PTK2: variants seen among roughly 807,000 people sequenced by gnomAD.
PTK2 encodes protein tyrosine kinase 2.
PTK2 carries 45 observed loss-of-function variants against 150.1 expected under a neutral mutation model. The observed-to-expected ratio is 0.30, with a 90% CI of 0.24 to 0.38. The LOEUF (loss-of-function observed/expected upper bound fraction) is 0.38. PTK2 is among the 10% of genes least tolerant of loss of function. The pLI, the probability that PTK2 is intolerant of heterozygous loss-of-function variation, is 1.00. For missense variants in PTK2, 919 were observed against 1,307.3 expected, an observed-to-expected ratio of 0.70 and a Z score of 4.58; for synonymous variants, 432 against 449.2, an observed-to-expected ratio of 0.96 and a Z score of 0.48.
At chr8:140,660,833 A>G (rs186114010) in intron 31 of PTK2, among the ~76,000 whole-genome samples, 63 of 152,346 alleles carry the variant, frequency 4.1e-4, no homozygotes, top group Admixed American at 1.2e-3. Context: ...GGAGAGTCTC[A>G]TGATCCTTCT....
At chr8:140,774,727 C>T (rs1325486738) in intron 14 of PTK2, among the ~76,000 whole-genome samples, 2 of 152,194 alleles carry the variant, frequency 1.3e-5, no homozygotes, top group African/African-American at 4.8e-5. Flanking sequence ...CTGGCCAAAA[C>T]CCACCAAAAC....
intron 26 of PTK2, among the ~76,000 whole-genome samples, chr8:140,691,945 G>C (rs2100023437): frequency 6.6e-6 from 1 of 152,184 alleles, no homozygotes; most frequent in Non-Finnish European, 1.5e-5. Context: ...GCTTCAATCA[G>C]TCAACAGATA....
chr8:140,706,094 T>C lies in PTK2; in HGVS notation c.2229+25A>G, dbSNP rs10090128. The C allele has an allele frequency of 4.5e-3, 6,963 of 1,549,036 alleles. 283 individuals are homozygous for C. The African/African-American group carries it at 0.085, about 19-fold the overall frequency. On this transcript the variant is annotated intron_variant, in intron 24 of 31. Transcript: ENST00000522684. ...AGCGCTAAATAATAAAATAACACAG[T>C]TTATATCTGTAATGACTGGCATACC...
intron 8 of PTK2, among the ~76,000 whole-genome samples, chr8:140,826,672 T>C (rs948718091): frequency 2.0e-5 from 3 of 152,146 alleles, no homozygotes; most frequent in African/African-American, 7.2e-5. Flanking sequence ...TCCCAGCACT[T>C]TGGGAGGCGG....
chr8:140,803,502 T>G (rs1439906845), intron 11 of PTK2, 41 bp downstream of exon 11: 1 of 1,504,094 alleles, frequency 6.6e-7, no homozygotes, highest in African/African-American at 1.4e-5. Context: ...ACATCCCTAT[T>G]TAACCATTTT....
At chr8:140,879,882 A>T (rs1473689864) in intron 3 of PTK2, among the ~76,000 whole-genome samples, 1 of 152,140 alleles carries the variant, frequency 6.6e-6, no homozygotes, top group African/African-American at 2.4e-5. Flanking sequence ...TTAGAAAAGA[A>T]AACATAAAGA....
At chr8:140,708,788 T>C (rs2100035213) in intron 23 of PTK2, among the ~76,000 whole-genome samples, 2 of 152,312 alleles carry the variant, frequency 1.3e-5, no homozygotes, top group South Asian at 4.2e-4. Context: ...AGAGTTCGGC[T>C]ACCTTGGTAC....
At chr8:140,722,033 GAATT>G (rs2154301000) in intron 22 of PTK2, among the ~76,000 whole-genome samples, 1 of 152,296 alleles carries the variant, frequency 6.6e-6, no homozygotes, top group Non-Finnish European at 1.5e-5. Context: ...AACATAATAG[GAATT>G]AATAAATGAC....
chr8:140,761,329 G>A lies in PTK2; in HGVS notation c.1235-67C>T, dbSNP rs371806811. The A allele has an allele frequency of 1.4e-4, 174 of 1,239,492 alleles. No homozygotes were observed. In the African/African-American group the frequency reaches 2.2e-3, roughly 15 times the overall value. 76.8% of individuals were successfully genotyped at this position (1,239,492 alleles called of 1,614,324 possible). A position where few individuals can be genotyped will look rare whatever the true frequency, so the allele number is the denominator to read the frequency against. ...TCCAAATGTAGAAATAACACTTGAC[G>A]TATTTCTTGATCATCCATAAGTAAA... On this transcript the variant is annotated intron_variant, in intron 15 of 31. Transcript: ENST00000522684.
chr8:140,873,265 C>T (rs969209650), intron 4 of PTK2, among the ~76,000 whole-genome samples: 1 of 152,200 alleles, frequency 6.6e-6, no homozygotes, highest in Non-Finnish European at 1.5e-5. Flanking sequence ...GTCAGGTCCA[C>T]AGCCTCTCCA....
intron 2 of PTK2, among the ~76,000 whole-genome samples, chr8:140,898,540 A>G (rs2100157213): frequency 6.6e-6 from 1 of 152,218 alleles, no homozygotes; most frequent in Admixed American, 6.5e-5. Flanking sequence ...CTCCTCTTGA[A>G]GAAATAGGGC....
At chr8:140,950,327 A>G (rs1271572079) in intron 1 of PTK2, among the ~76,000 whole-genome samples, 1 of 152,208 alleles carries the variant, frequency 6.6e-6, no homozygotes, top group Non-Finnish European at 1.5e-5. Context: ...AGTTCCTGGC[A>G]TCTCCACTCT....
At chr8:140,825,301 A>G (rs946965970) in intron 8 of PTK2, among the ~76,000 whole-genome samples, 1 of 152,194 alleles carries the variant, frequency 6.6e-6, no homozygotes, top group Admixed American at 6.5e-5. Context: ...ACAGGAATTC[A>G]CTGCTGAACA....
At chr8:140,720,955 CCATGTTGG>C (rs1250437135) in intron 22 of PTK2, among the ~76,000 whole-genome samples, 9 of 152,040 alleles carry the variant, frequency 5.9e-5, no homozygotes, top group Admixed American at 5.2e-4. Flanking sequence ...TGGGGTTTTA[CCATGTTGG>C]CCAGGCTGCT....
chr8:140,885,287 T>A (rs1048842362), intron 3 of PTK2, among the ~76,000 whole-genome samples: 3 of 152,228 alleles, frequency 2.0e-5, no homozygotes, highest in African/African-American at 7.2e-5. Context: ...GTTCCTAACA[T>A]ATTTCTCTCA....
intron 27 of PTK2, 75 bp downstream of exon 30, chr8:140,686,557 A>C (rs2100019980): frequency 9.0e-7 from 1 of 1,107,900 alleles, no homozygotes; most frequent in African/African-American, 1.6e-5. Context: ...AAACTTGGAT[A>C]TATTGTGACA....
At chr8:140,861,228 A>C (rs985703170) in intron 5 of PTK2, among the ~76,000 whole-genome samples, 4 of 152,146 alleles carry the variant, frequency 2.6e-5, no homozygotes, top group African/African-American at 9.7e-5. Flanking sequence ...ACGCACCTGT[A>C]GTCCCAACTA....
intron 1 of PTK2, among the ~76,000 whole-genome samples, chr8:140,944,872 T>C (rs1268579256): frequency 2.6e-5 from 4 of 152,242 alleles, no homozygotes; most frequent in African/African-American, 9.6e-5. Context: ...CATTTCAAAC[T>C]GAGCAATGCT....
intron 7 of PTK2, among the ~76,000 whole-genome samples, chr8:140,839,200 C>T (rs905068922): frequency 1.3e-5 from 2 of 152,086 alleles, no homozygotes; most frequent in African/African-American, 2.4e-5. Context: ...TCTGGACCGA[C>T]GGTACCTGCA....
Sources: allele counts gnomAD v4.1 joint callset (sites outside exome capture counted in the v4.1 genomes callset), GRCh38; gene constraint gnomAD v4.1.1; transcripts MANE v1.5; gene names NCBI Gene and HGNC (gene_info 2026-07-23, HGNC 2026-07-21).